TMEM59: variants seen among roughly 807,000 people sequenced by gnomAD.
The protein encoded by TMEM59 is transmembrane protein 59, also known as dendritic cell factor 1.
A neutral mutation model predicts 42.2 loss-of-function variants in TMEM59; 44 were observed. The observed-to-expected ratio is 1.04, with a 90% CI of 0.82 to 1.34. The LOEUF is 1.34. Among genes scored for constraint, TMEM59 ranks in the 40% most tolerant of loss-of-function variants. TMEM59 has a pLI of 0.00. For missense variants in TMEM59, 359 were observed against 382.8 expected (o/e 0.94, Z 0.52); for synonymous variants, 148 against 145.8 (o/e 1.02, Z -0.11).
At chr1:54,043,260 G>T in intron 4 of TMEM59, 113 bp downstream of exon 4, 1 of 951,858 alleles carries the variant, frequency 1.1e-6, no homozygotes, top group Non-Finnish European at 1.4e-6. Flanking sequence ...ATTATTATTT[G>T]ATGATAAATA....
intron 1 of TMEM59, among the ~76,000 whole-genome samples, 170 bp downstream of exon 1, chr1:54,052,830 G>A (rs1402981557): frequency 6.6e-6 from 1 of 152,192 alleles, no homozygotes; most frequent in African/African-American, 2.4e-5. Flanking sequence ...GGTAATGACA[G>A]CAGAAATGGG....
At chr1:54,035,275 A>G (rs1479329649) in intron 7 of TMEM59, among the ~76,000 whole-genome samples, 1 of 152,206 alleles carries the variant, frequency 6.6e-6, no homozygotes. Flanking sequence ...GCACCATGTT[A>G]GGCACATGCC....
At chr1:54,050,566 C>CTTTTT (rs1553168062) in intron 1 of TMEM59, among the ~76,000 whole-genome samples, 2 of 141,468 alleles carry the variant, frequency 1.4e-5, no homozygotes, top group African/African-American at 5.1e-5. Flanking sequence ...AAATATGTTT[C>CTTTTT]TTTTTTTTTT....
At chr1:54,041,665 T>C (rs1657140704) in intron 5 of TMEM59, 59 bp downstream of exon 5, 5 of 1,383,062 alleles carry the variant, frequency 3.6e-6, no homozygotes, top group South Asian at 1.2e-5. Flanking sequence ...TGACCAACTC[T>C]ACTACAACCA....
Position 54,045,674 on chromosome 1 carries a change from G to C in TMEM59, c.390+18C>G. The C allele has an allele frequency of 6.2e-7, 1 of 1,612,478 alleles. No individual in the cohort carries two copies. Among genetic ancestry groups the C allele is most frequent in the Non-Finnish European group, 8.5e-7 (1 of 1,178,494 alleles). ...GCCATCTAAGCAGGCTAGTTTGAAA[G>C]GCAGTATTGTTTCGTACTTGTTCTT... On this transcript the variant is annotated intron_variant, in intron 3 of 7. Transcript: ENST00000234831.
At chr1:54,048,601 A>G (rs1231329975) in intron 1 of TMEM59, 2 of 388,340 alleles carry the variant, frequency 5.2e-6, no homozygotes, top group African/African-American at 4.3e-5. Context: ...TGATAAAATA[A>G]AAGTATTTAA....
In TMEM59 at chr1:54,032,188, G is replaced by A; in HGVS notation, c.934C>T (p.Leu312=). Residue 312 remains leucine, a synonymous_variant, in exon 8 of 8, where the codon CTA becomes TTA. Transcript: ENST00000234831. ...KTEDHEEAGP[L]PTKVNLAHSE... Reference sequence around the variant, plus strand: ...TGAGCAAGATTCACTTTTGTAGGTAGAGGCCCTGCTTCTTCATGATCTTCA... The same window carrying A: ...TGAGCAAGATTCACTTTTGTAGGTAAAGGCCCTGCTTCTTCATGATCTTCA... 2 of 1,612,966 alleles carry A rather than the reference G, an allele frequency of 1.2e-6. No homozygotes were observed. The highest frequency in any genetic ancestry group is 3.3e-4 in the Middle Eastern group (2 of 6,034).
At position 54,037,744 on chromosome 1, in the gene TMEM59, G is replaced by C. The variant is rs183831326; in HGVS notation, c.708-1026C>G. Among the ~76,000 whole-genome samples, 61 of 152,322 alleles carry C rather than the reference G, an allele frequency of 4.0e-4. 1 individual carries two copies. In the Middle Eastern group the frequency reaches 0.02, roughly 51 times the overall value. On this transcript the variant is annotated intron_variant, in intron 6 of 7. Transcript: ENST00000234831. ...AGAGGTGGACTTTGGAGAATGTATT[G>C]TATCTAAAAGCAGGGAACTCCCATA...
upstream of TMEM59, chr1:54,053,239 G>C: frequency 6.3e-7 from 1 of 1,595,186 alleles, no homozygotes; most frequent in South Asian, 1.1e-5. Flanking sequence ...TTCTCGGAAG[G>C]GTTTCCTCCT....
intron 4 of TMEM59, 87 bp from the exon 5 acceptor site, chr1:54,041,892 C>T: frequency 2.0e-6 from 2 of 1,017,886 alleles, no homozygotes; most frequent in Non-Finnish European, 2.9e-6. Flanking sequence ...TCTCTTTAAA[C>T]ATTTAAATTG....
At chr1:54,042,379 T>A (rs1377046018) in intron 4 of TMEM59, among the ~76,000 whole-genome samples, 1 of 152,176 alleles carries the variant, frequency 6.6e-6, no homozygotes, top group Non-Finnish European at 1.5e-5. Flanking sequence ...AGAGCTAATC[T>A]CCTATCTAAT....
intron 1 of TMEM59, among the ~76,000 whole-genome samples, chr1:54,050,413 G>A (rs961547394): frequency 2.6e-5 from 4 of 152,018 alleles, no homozygotes; most frequent in African/African-American, 7.2e-5. Flanking sequence ...GTGAGCCACC[G>A]CGCCCAGCCT....
chr1:54,040,446 C>T (rs1450251766), intron 6 of TMEM59, among the ~76,000 whole-genome samples: 1 of 152,174 alleles, frequency 6.6e-6, no homozygotes, highest in Non-Finnish European at 1.5e-5. Context: ...AGCCACTGTG[C>T]CCGGCCTCAG....
chr1:54,036,625 C>A lies in TMEM59; in HGVS notation c.801G>T (p.Gln267His). The A allele has an allele frequency of 1.2e-6, 2 of 1,605,606 alleles. No individual in the cohort carries two copies. Among genetic ancestry groups the A allele is most frequent in the Non-Finnish European group, 1.7e-6 (2 of 1,175,504 alleles). ...TTAAATTTACCTCAGAGGGAACATA[C>A]TGCTCCACAGCTGTAGCAACAGTTG... ...CCATVATAVE[Q>H]YVPSEKLSIY... The change falls in exon 7 of 8, where the codon CAG becomes CAT. Residue 267 changes from glutamine (Q) to histidine (H), a missense_variant. Physicochemically the swap from Gln to His is conservative, Grantham distance 24. Transcript: ENST00000234831.
intron 7 of TMEM59, among the ~76,000 whole-genome samples, chr1:54,032,794 A>C (rs1656808187): frequency 2.0e-5 from 3 of 152,264 alleles, no homozygotes; most frequent in African/African-American, 7.2e-5. Context: ...ATATACAAGA[A>C]GACACTAAAA....
chr1:54,037,003 A>G (rs938537214), intron 6 of TMEM59, among the ~76,000 whole-genome samples: 11 of 152,222 alleles, frequency 7.2e-5, no homozygotes, highest in African/African-American at 1.9e-4. Context: ...TGCTAAATAT[A>G]TAAGGCAAGT....
intron 6 of TMEM59, among the ~76,000 whole-genome samples, chr1:54,039,452 C>A (rs1657064798): frequency 6.6e-6 from 1 of 152,106 alleles, no homozygotes; most frequent in Non-Finnish European, 1.5e-5. Context: ...AGAAAAACTG[C>A]CCTTTTTTGG....
At position 54,030,235 on chromosome 1, in the gene TMEM59, T is replaced by C. The variant is rs1656723385; in HGVS notation, c.*1915A>G. The C allele has an allele frequency of 2.0e-5, 3 of 152,028 alleles. No individual in the cohort carries two copies. The highest frequency in any genetic ancestry group is 4.4e-5 in the Non-Finnish European group (3 of 68,002). The allele number at this position is 152,028 out of a possible 1,614,324, so 9.4% of individuals were successfully genotyped here. On this transcript the variant is annotated 3_prime_UTR_variant, in exon 8 of 8. Coordinates refer to ENST00000234831, the MANE Select transcript of TMEM59 (RefSeq NM_004872.5). The stretch of plus-strand genomic sequence containing the variant: ...TGATCTAGATAATTCTTTGTTTTGT[T>C]TTTATAAGGGAGGGTCTTTTCTAAC...
chr1:54,042,845 A>T (rs887821761), intron 4 of TMEM59, among the ~76,000 whole-genome samples: 14 of 152,218 alleles, frequency 9.2e-5, no homozygotes, highest in African/African-American at 3.1e-4. Flanking sequence ...TGAAGATGTG[A>T]GAGAATATAT....
Sources: allele counts gnomAD v4.1 joint callset (sites outside exome capture counted in the v4.1 genomes callset), GRCh38; gene constraint gnomAD v4.1.1; transcripts MANE v1.5; gene names NCBI Gene and HGNC (gene_info 2026-07-23, HGNC 2026-07-21).